Variants in DPP6 observed in about 807,000 individuals in gnomAD.
The protein encoded by DPP6 is A-type potassium channel modulatory protein DPP6.
A neutral mutation model predicts 122.6 loss-of-function variants in DPP6; 69 were observed. The ratio of observed to expected loss-of-function variants is 0.56; its 90% confidence interval spans 0.46 to 0.69. DPP6 has a LOEUF of 0.69. Ranked by LOEUF, DPP6 falls within the 30% of genes least tolerant of loss-of-function variation. DPP6 has a pLI of 0.00. For missense variants in DPP6, 928 were observed against 1,116.9 expected (o/e 0.83, Z 2.41); for synonymous variants, 418 against 433.1 (o/e 0.97, Z 0.43).
intron 1 of DPP6, among the ~76,000 whole-genome samples, chr7:154,150,957 C>T (rs1796384807): frequency 6.6e-6 from 1 of 152,142 alleles, no homozygotes; most frequent in African/African-American, 2.4e-5. Flanking sequence ...TCCTCCACAC[C>T]TGTTCCTAGA....
rs1010519855 is a variant in DPP6, at chr7:154,241,138, G to A, written c.243+188075G>A. 4.7e-5 allele frequency among the ~76,000 whole-genome samples: 7 copies of A among 149,226 alleles called. No individual in the cohort carries two copies. The highest frequency in any genetic ancestry group is 7.4e-5 in the African/African-American group (3 of 40,534). Reference sequence around the variant, plus strand: ...CATACTGCTTTGCACCAATGATTGGGCACAAATATAAACATATTGCTGCAC... The same window carrying A: ...CATACTGCTTTGCACCAATGATTGGACACAAATATAAACATATTGCTGCAC... On this transcript the variant is annotated intron_variant, in intron 1 of 25. Transcript: ENST00000377770. This position sits in a 1 kb window ranked among gnomAD's most constrained non-coding sequence, Gnocchi z 9.0.
Position 154,744,253 on chromosome 7 carries a change from G to A in DPP6, c.883+16366G>A, listed in dbSNP as rs115160799. On this transcript the variant is annotated intron_variant, in intron 8 of 25. Transcript: ENST00000377770. ...CACCCGCCCCCCAGTATAGAAGAAA[G>A]GAAGACTGGGGAATTGATCTCTCAG... Among the ~76,000 whole-genome samples, 801 of 152,268 alleles carry A rather than the reference G, an allele frequency of 5.3e-3. 12 individuals are homozygous for A. Among genetic ancestry groups the A allele is most frequent in the African/African-American group, 0.018 (744 of 41,542 alleles).
At position 154,603,899 on chromosome 7, in the gene DPP6, G is replaced by A. The variant is rs904956644; in HGVS notation, c.628-33922G>A. Among the ~76,000 whole-genome samples, 3 of 118,998 alleles carry A rather than the reference G, an allele frequency of 2.5e-5. 1 individual carries two copies. The highest frequency in any genetic ancestry group is 8.0e-5 in the African/African-American group (3 of 37,516). 78.1% of individuals were successfully genotyped at this position (118,998 alleles called of 152,430 possible). A position where few individuals can be genotyped will look rare whatever the true frequency, so the allele number is the denominator to read the frequency against. On this transcript the variant is annotated intron_variant, in intron 5 of 25. Coordinates refer to ENST00000377770, the MANE Select transcript of DPP6 (RefSeq NM_130797.4). ...AGAATGTAATGATTGATAGGTGCAC[G>A]TGGGATTTCTTAGTGTCTGATAAAG...
In DPP6 at chr7:154,175,812, A is replaced by T. The variant is rs184405459; in HGVS notation, c.243+122749A>T. ...TCGGCTCACTACAACCTCAGCCTCC[A>T]GGGTAGCTGGGATTACAGGTGTCCA... On this transcript the variant is annotated intron_variant, in intron 1 of 25. Coordinates refer to ENST00000377770, the MANE Select transcript of DPP6 (RefSeq NM_130797.4). Among the ~76,000 whole-genome samples, 5 of 146,244 alleles carry T rather than the reference A, an allele frequency of 3.4e-5. No homozygotes were observed. In the East Asian group the frequency reaches 1.1e-3, roughly 31 times the overall value.
intron 1 of DPP6, among the ~76,000 whole-genome samples, chr7:154,349,887 T>C (rs1810706136): frequency 6.6e-6 from 1 of 152,182 alleles, no homozygotes; most frequent in African/African-American, 2.4e-5. Flanking sequence ...AAAAAACAAA[T>C]TTTCAGACTC....
chr7:154,854,963 T>C (rs2150581981), intron 17 of DPP6, among the ~76,000 whole-genome samples: 1 of 152,222 alleles, frequency 6.6e-6, no homozygotes, highest in South Asian at 2.1e-4. Flanking sequence ...GCAAACTTCA[T>C]GGCCCGGGTC....
chr7:154,855,043 CCT>C (rs1281965131), intron 17 of DPP6, among the ~76,000 whole-genome samples: 1 of 152,058 alleles, frequency 6.6e-6, no homozygotes, highest in African/African-American at 2.4e-5. Flanking sequence ...TCAGCGGCTC[CCT>C]GATTCCTATC....
At chr7:154,523,690 A>G (rs1273386424) in intron 3 of DPP6, among the ~76,000 whole-genome samples, 1 of 152,196 alleles carries the variant, frequency 6.6e-6, no homozygotes, top group African/African-American at 2.4e-5. Context: ...CTATTTCACA[A>G]TACACCTGGA....
chr7:154,853,807 A>G lies in DPP6; in HGVS notation c.1694A>G (p.His565Arg), dbSNP rs1403182028. 31 of 1,613,800 alleles carry G rather than the reference A, an allele frequency of 1.9e-5. No individual in the cohort carries two copies. The highest frequency in any genetic ancestry group is 2.4e-5 in the Non-Finnish European group (28 of 1,179,870). Residue 565 changes from histidine (H) to arginine (R), a missense_variant, in exon 17 of 26, where the codon CAC becomes CGC. Transcript: ENST00000377770. ...CCTGGTGTTCCTATGGTGACGGTGC[A>G]CAACACAACAGATAAGAAAAGTAAG... is the stretch of plus-strand genomic sequence containing the variant. ...EGPGVPMVTV[H>R]NTTDKKKMFD...
intron 1 of DPP6, among the ~76,000 whole-genome samples, chr7:154,186,231 C>G (rs1398180298): frequency 2.0e-5 from 3 of 152,160 alleles, no homozygotes; most frequent in Non-Finnish European, 2.9e-5. Context: ...GTCACATTTT[C>G]TAGATGTTAG....
At chr7:153,907,262 G>A (rs1160610319) in intron 1 of DPP6, among the ~76,000 whole-genome samples, 1 of 152,208 alleles carries the variant, frequency 6.6e-6, no homozygotes, top group East Asian at 1.9e-4. Context: ...GAGTGATGAT[G>A]AGCATTTTTT....
chr7:154,798,375 C>G (rs1171274994), intron 12 of DPP6, among the ~76,000 whole-genome samples: 2 of 152,194 alleles, frequency 1.3e-5, no homozygotes, highest in African/African-American at 4.8e-5. Context: ...GTAAGACAGC[C>G]TGAATGGGAT....
intron 16 of DPP6, among the ~76,000 whole-genome samples, chr7:154,824,268 T>TTTTGTTTGTTTG (rs146035535): frequency 6.6e-6 from 1 of 151,402 alleles, no homozygotes; most frequent in Non-Finnish European, 1.5e-5. Flanking sequence ...GTTGTTGTTG[T>TTTTGTTTGTTTG]TTTGTTTGTT....
chr7:154,164,267 T>TC (rs1168409770), intron 1 of DPP6, among the ~76,000 whole-genome samples: 21 of 127,180 alleles, frequency 1.7e-4, no homozygotes, highest in African/African-American at 4.9e-4. Context: ...TTTCCCTCTC[T>TC]CCCCCGCTCC....
At chr7:154,321,118 C>A (rs993453054) in intron 1 of DPP6, among the ~76,000 whole-genome samples, 2 of 151,832 alleles carry the variant, frequency 1.3e-5, no homozygotes, top group Non-Finnish European at 2.9e-5. Flanking sequence ...TCCATCTCTA[C>A]AAAAAAATAC....
intron 10 of DPP6, 122 bp from the exon 11 acceptor site, chr7:154,793,957 G>T: frequency 1.4e-6 from 2 of 1,432,516 alleles, no homozygotes; most frequent in Non-Finnish European, 1.9e-6. Context: ...CAGGCTGGCT[G>T]TGTCACCACT....
chr7:154,848,608 A>C (rs1193327922), intron 16 of DPP6, among the ~76,000 whole-genome samples: 1 of 152,222 alleles, frequency 6.6e-6, no homozygotes, highest in East Asian at 1.9e-4. Context: ...AACACAATTC[A>C]TGAAATGTCT....
intron 1 of DPP6, among the ~76,000 whole-genome samples, chr7:154,134,513 C>A (rs952118895): frequency 6.6e-6 from 1 of 152,132 alleles, no homozygotes; most frequent in African/African-American, 2.4e-5. Context: ...GGCTCCCTCC[C>A]GTCCCAGCAC....
the DPP6 span, among the ~76,000 whole-genome samples, chr7:153,833,979 A>G: frequency 2.0e-5 from 3 of 152,042 alleles, no homozygotes; most frequent in Non-Finnish European, 2.9e-5. Context: ...TAAACTCCCA[A>G]CTTCTTGGTT....
Sources: gnomAD v4.1 joint callset for allele counts (sites outside exome capture counted in the v4.1 genomes callset) on GRCh38, gnomAD v4.1.1 for gene constraint, Gnocchi (gnomAD v3.1) non-coding constraint, MANE v1.5 for transcripts, NCBI Gene and HGNC (gene_info 2026-07-23, HGNC 2026-07-21) for gene names.